The following PRH1 variants were observed in gnomAD, a reference collection of about 807,000 sequenced individuals.
PRH1 encodes the protein proline rich protein HaeIII subfamily 1, also known as salivary acidic proline-rich phosphoprotein 1/2.
In PRH1, 7 loss-of-function variants were observed where a neutral mutation model predicts 7.9. The observed-to-expected ratio is 0.89, with a 90% CI of 0.50 to 1.67. The LOEUF is 1.67. Among genes scored for constraint, PRH1 ranks in the 40% most tolerant of loss-of-function variants. The pLI is 0.00. For missense variants in PRH1, 109 were observed against 223.6 expected (o/e 0.49, Z 3.27); for synonymous variants, 45 against 80.8 (o/e 0.56, Z 2.38).
intron 1 of PRH1, among the ~76,000 whole-genome samples, chr12:11,021,398 G>A (rs1420140854): frequency 1.3e-5 from 1 of 78,024 alleles, no homozygotes; most frequent in East Asian, 4.3e-4. Flanking sequence ...ACTATACAAT[G>A]AACTATAATA....
upstream of PRH1, among the ~76,000 whole-genome samples, chr12:10,888,429 T>G (rs912506164): frequency 2.0e-5 from 3 of 152,218 alleles, no homozygotes; most frequent in African/African-American, 7.2e-5. Flanking sequence ...TCACCCAGGC[T>G]TCTTCCAGAT....
intron 2 of PRH1, chr12:10,931,131 C>T (rs964583371): frequency 1.1e-5 from 17 of 1,586,140 alleles, no homozygotes; most frequent in African/African-American, 2.7e-5. Context: ...TACAGTTCTC[C>T]AACTTCATTG....
chr12:10,941,986 T>A (rs115714390), intron 2 of PRH1, among the ~76,000 whole-genome samples: 1 of 152,156 alleles, frequency 6.6e-6, no homozygotes, highest in African/African-American at 2.4e-5. Flanking sequence ...GTAATTGTTA[T>A]CTCTCTTCTG....
intron 1 of PRH1, chr12:10,985,950 A>G: frequency 6.3e-7 from 1 of 1,592,360 alleles, no homozygotes; most frequent in Non-Finnish European, 8.5e-7. Flanking sequence ...TGAGAGTTTC[A>G]GGTCTTTTAC....
At chr12:11,146,233 T>C (rs1361188065) in intron 1 of PRH1, among the ~76,000 whole-genome samples, 1 of 151,676 alleles carries the variant, frequency 6.6e-6, no homozygotes, top group Non-Finnish European at 1.5e-5. Context: ...TCTTTCAGTC[T>C]TTTTCTAGTA....
intron 1 of PRH1, among the ~76,000 whole-genome samples, chr12:11,139,479 C>CT (rs1946646953): frequency 6.6e-6 from 1 of 152,114 alleles, no homozygotes; most frequent in African/African-American, 2.4e-5. Context: ...TTTTTCCAAA[C>CT]TTTATGTAAA....
At chr12:11,019,022 C>G (rs1157896103) in intron 1 of PRH1, among the ~76,000 whole-genome samples, 1 of 152,260 alleles carries the variant, frequency 6.6e-6, no homozygotes, top group Non-Finnish European at 1.5e-5. Context: ...AAAAAACTAT[C>G]TCTTAGAAAA....
At chr12:11,128,001 T>A (rs1946192497) in intron 1 of PRH1, among the ~76,000 whole-genome samples, 1 of 149,704 alleles carries the variant, frequency 6.7e-6, no homozygotes, top group Non-Finnish European at 1.5e-5. Context: ...TCCCAGCTAC[T>A]CGGGGAGGCT....
chr12:10,938,680 G>T, intron 2 of PRH1: 1 of 1,614,002 alleles, frequency 6.2e-7, no homozygotes, highest in East Asian at 2.2e-5. Flanking sequence ...CAATAAGACT[G>T]GAAAATCGTG....
At chr12:11,006,730 C>A (rs1168786010) in intron 1 of PRH1, among the ~76,000 whole-genome samples, 1 of 152,082 alleles carries the variant, frequency 6.6e-6, no homozygotes, top group African/African-American at 2.4e-5. Context: ...CACTTCATTC[C>A]TAAATGTGTA....
intron 1 of PRH1, chr12:10,986,858 C>A: frequency 6.6e-7 from 1 of 1,506,058 alleles, no homozygotes; most frequent in Non-Finnish European, 8.8e-7. Context: ...GAAAAGTTAT[C>A]ATATCTGAGC....
intron 1 of PRH1, among the ~76,000 whole-genome samples, chr12:11,026,701 T>G (rs1171294272): frequency 6.6e-6 from 1 of 152,034 alleles, no homozygotes; most frequent in Non-Finnish European, 1.5e-5. Context: ...AGACGGGTTA[T>G]AGAATGAATG....
chr12:11,132,354 C>T (rs146879160), intron 1 of PRH1, among the ~76,000 whole-genome samples: 3 of 145,906 alleles, frequency 2.1e-5, no homozygotes, highest in African/African-American at 7.7e-5. Context: ...TTTTAGAAAA[C>T]GGAAGACTGG....
At chr12:10,905,190 C>T (rs546551883) in intron 2 of PRH1, among the ~76,000 whole-genome samples, 18 of 152,000 alleles carry the variant, frequency 1.2e-4, no homozygotes, top group African/African-American at 3.1e-4. Context: ...GGTGTATGCA[C>T]GCCACACTTT....
chr12:11,052,061 C>T (rs1312879611), upstream of PRH1, among the ~76,000 whole-genome samples: 1 of 152,258 alleles, frequency 6.6e-6, no homozygotes, highest in Non-Finnish European at 1.5e-5. Flanking sequence ...AAGCCCAAAA[C>T]ACAGTTTGAC....
chr12:11,018,943 C>T (rs1348387073), intron 1 of PRH1, among the ~76,000 whole-genome samples: 1 of 151,812 alleles, frequency 6.6e-6, no homozygotes, highest in African/African-American at 2.4e-5. Context: ...ATGTGCATGT[C>T]TAAAAAGTTA....
intron 1 of PRH1, among the ~76,000 whole-genome samples, chr12:11,127,167 A>G (rs1339630040): frequency 6.6e-6 from 1 of 152,302 alleles, no homozygotes; most frequent in Non-Finnish European, 1.5e-5. Flanking sequence ...TTTCCAAAAC[A>G]GCTCAAATTA....
intron 1 of PRH1, among the ~76,000 whole-genome samples, chr12:11,105,154 A>T (rs2136291786): frequency 6.6e-6 from 1 of 152,226 alleles, no homozygotes; most frequent in South Asian, 2.1e-4. Context: ...GCATACAGTA[A>T]GGGAAATTTC....
chr12:10,999,060 G>C (rs1940448173), intron 1 of PRH1, among the ~76,000 whole-genome samples: 1 of 151,978 alleles, frequency 6.6e-6, no homozygotes, highest in Non-Finnish European at 1.5e-5. Flanking sequence ...GCAAAACTTG[G>C]ACCATCTCAA....
Sources: gnomAD v4.1 joint callset for allele counts (sites outside exome capture counted in the v4.1 genomes callset) on GRCh38, gnomAD v4.1.1 for gene constraint, MANE v1.5 for transcripts, NCBI Gene and HGNC (gene_info 2026-07-23, HGNC 2026-07-21) for gene names.